The following TPCN1 variants were observed in gnomAD, a reference collection of about 807,000 sequenced individuals.
The protein encoded by TPCN1 is two pore segment channel 1.
TPCN1 carries 52 observed loss-of-function variants against 108.8 expected under a neutral mutation model. The ratio of observed to expected loss-of-function variants is 0.48; its 90% CI spans 0.38 to 0.60. The LOEUF is 0.60. Among genes scored for constraint, TPCN1 ranks in the 20% least tolerant of loss-of-function variants. The probability of loss-of-function intolerance (pLI) is 0.00; values close to 1 mark genes in which losing one functional copy is unlikely to be tolerated. For synonymous variants in TPCN1, 446 were observed against 433.7 expected, an observed-to-expected ratio of 1.03 and a Z score of -0.35; for missense variants, 806 against 1,072.8, an observed-to-expected ratio of 0.75 and a Z score of 3.47.
intron 2 of TPCN1, among the ~76,000 whole-genome samples, chr12:113,246,965 C>T (rs940311693): frequency 1.3e-5 from 2 of 152,158 alleles, no homozygotes; most frequent in African/African-American, 2.4e-5. Context: ...TCCAAAGATG[C>T]GAGTGCCAGT....
rs532168470 is a variant in TPCN1, at chr12:113,284,515, C to T, written c.1343-66C>T. 4 of 1,586,386 alleles carry T rather than the reference C, an allele frequency of 2.5e-6. No individual in the cohort carries two copies. The East Asian group carries it at 8.9e-5, about 35-fold the overall frequency. ...CCAGGAAGTTAACCAGGGACTTCAGCTGCGACCTGCAGATTTCTAAGCCCC... is the reference window on the plus strand; with the variant it reads ...CCAGGAAGTTAACCAGGGACTTCAGTTGCGACCTGCAGATTTCTAAGCCCC... On this transcript the variant is annotated intron_variant, in intron 15 of 27. Transcript: ENST00000335509. The surrounding 1 kb of genome is among the most constrained non-coding windows in gnomAD (Gnocchi z 4.1).
chr12:113,290,465 T>C (rs1389609950), intron 22 of TPCN1, among the ~76,000 whole-genome samples: 2 of 152,204 alleles, frequency 1.3e-5, no homozygotes, highest in African/African-American at 4.8e-5. Context: ...CCTGATATTT[T>C]CTCAGTACCG....
chr12:113,295,417 G>A (rs958418754), intron 27 of TPCN1, among the ~76,000 whole-genome samples: 2 of 144,434 alleles, frequency 1.4e-5, no homozygotes, highest in African/African-American at 5.2e-5. Context: ...TCTCCAGCCT[G>A]TGCCACACAG....
At chr12:113,287,682 G>A (rs1305447086) in intron 19 of TPCN1, among the ~76,000 whole-genome samples, 11 of 152,310 alleles carry the variant, frequency 7.2e-5, no homozygotes, top group African/African-American at 1.9e-4. Flanking sequence ...GGGCAGGTGC[G>A]GGGAGGGGTG....
At chr12:113,235,660 G>T (rs899542638) in intron 2 of TPCN1, among the ~76,000 whole-genome samples, 20 of 152,180 alleles carry the variant, frequency 1.3e-4, no homozygotes, top group African/African-American at 4.6e-4. Flanking sequence ...GAAGAAGTGC[G>T]TCAAGTATAG....
Position 113,296,019 on chromosome 12 carries a change from A to G in TPCN1, c.2394A>G (p.Ala798=). The change falls in exon 28 of 28, where the codon GCA becomes GCG. Residue 798 remains alanine, a synonymous_variant. Coordinates refer to ENST00000335509, the MANE Select transcript of TPCN1 (RefSeq NM_017901.6). The stretch of plus-strand genomic sequence containing the variant: ...AGCAGCGACAACTCAGCAGCAGTGC[A>G]GCCCCCGCCGCCCAGCAGCCCCCAG... The part of the protein sequence containing the change: ...QEQQRQLSSS[A]APAAQQPPGS... 1 of 1,613,110 alleles carries G rather than the reference A, an allele frequency of 6.2e-7. No homozygotes were observed. Among genetic ancestry groups the G allele is most frequent in the Non-Finnish European group, 8.5e-7 (1 of 1,179,832 alleles).
rs1188399240 is a variant in TPCN1, at chr12:113,231,364, C to T, written c.112+4400C>T. On this transcript the variant is annotated intron_variant, in intron 2 of 27. Coordinates refer to ENST00000335509, the MANE Select transcript of TPCN1 (RefSeq NM_017901.6). This position sits in a 1 kb window ranked among gnomAD's most constrained non-coding sequence, Gnocchi z 4.3. ...AAATGGTTATCTTCTTGCTGTGTCCCCACATGATTGTCCCTGAGTCTGTGT... is the reference window on the plus strand; with the variant it reads ...AAATGGTTATCTTCTTGCTGTGTCCTCACATGATTGTCCCTGAGTCTGTGT... 2.0e-5 allele frequency among the ~76,000 whole-genome samples: 3 copies of T among 152,218 alleles called. No homozygotes were observed. Among genetic ancestry groups the T allele is most frequent in the Non-Finnish European group, 2.9e-5 (2 of 68,034 alleles).
chr12:113,275,031 T>A (rs1228041121), intron 10 of TPCN1, among the ~76,000 whole-genome samples: 1 of 152,138 alleles, frequency 6.6e-6, no homozygotes, highest in Non-Finnish European at 1.5e-5. Flanking sequence ...GTCCCAGCCA[T>A]CACAGATCAC....
intron 2 of TPCN1, among the ~76,000 whole-genome samples, chr12:113,257,978 ATC>A (rs1244608139): frequency 6.6e-5 from 10 of 152,350 alleles, no homozygotes; most frequent in African/African-American, 2.4e-4. Flanking sequence ...ATGCAGATTC[ATC>A]TAATAGTAAC....
intron 2 of TPCN1, among the ~76,000 whole-genome samples, chr12:113,235,850 A>G (rs1217843577): frequency 1.3e-5 from 2 of 152,146 alleles, no homozygotes; most frequent in Non-Finnish European, 2.9e-5. Context: ...GATTGGCTTT[A>G]GAGATCGGAT....
chr12:113,244,770 T>C (rs1222085030), intron 2 of TPCN1: 33 of 985,170 alleles, frequency 3.3e-5, no homozygotes, highest in Non-Finnish European at 4.0e-5. Flanking sequence ...GTTTCTGAGA[T>C]GCTGGGAGCA....
At chr12:113,260,817 A>G (rs1276746553) in intron 3 of TPCN1, among the ~76,000 whole-genome samples, 1 of 151,980 alleles carries the variant, frequency 6.6e-6, no homozygotes, top group Non-Finnish European at 1.5e-5. Context: ...AATTCTTTAC[A>G]TACTGAATGC....
intron 1 of TPCN1, among the ~76,000 whole-genome samples, chr12:113,223,223 G>T (rs187662535): frequency 6.1e-4 from 93 of 152,306 alleles, no homozygotes; most frequent in African/African-American, 2.2e-3. Context: ...GTTTACTTTC[G>T]CTGCCTTGTT....
rs2136803739 is a variant in TPCN1 at position 113,297,576 on chromosome 12, A to G, written c.*1500A>G. The G allele has an allele frequency of 6.5e-6, 1 of 152,704 alleles. No homozygotes were observed. The highest frequency in any genetic ancestry group is 1.9e-4 in the East Asian group (1 of 5,138). 9.5% of individuals were successfully genotyped at this position (152,704 alleles called of 1,614,324 possible). ...CCTCCAAGGCCAAGCTGGGTCCCAT[A>G]GCCAGCACGGCATGGTTCTCCCCTT... On this transcript the variant is annotated 3_prime_UTR_variant, in exon 28 of 28. Coordinates refer to ENST00000335509, the MANE Select transcript of TPCN1 (RefSeq NM_017901.6). The surrounding 1 kb of genome is among the most constrained non-coding windows in gnomAD (Gnocchi z 4.4).
chr12:113,271,515 A>T (rs986150443), intron 7 of TPCN1, among the ~76,000 whole-genome samples: 3 of 152,196 alleles, frequency 2.0e-5, no homozygotes, highest in Non-Finnish European at 4.4e-5. Flanking sequence ...TACTTAAAAA[A>T]GTCTCTAAGT....
At chr12:113,271,847 T>C (rs1485570401) in intron 7 of TPCN1, among the ~76,000 whole-genome samples, 1 of 152,080 alleles carries the variant, frequency 6.6e-6, no homozygotes, top group South Asian at 2.1e-4. Context: ...GAGGGCTTAG[T>C]TTTTCAGGTG....
At chr12:113,233,342 C>G (rs1051556814) in intron 2 of TPCN1, among the ~76,000 whole-genome samples, 2 of 152,230 alleles carry the variant, frequency 1.3e-5, no homozygotes, top group African/African-American at 4.8e-5. Flanking sequence ...GCTTCATGAG[C>G]CAGAACCGTG....
At chr12:113,243,136 G>T (rs1434486318) in intron 2 of TPCN1, among the ~76,000 whole-genome samples, 3 of 152,184 alleles carry the variant, frequency 2.0e-5, no homozygotes, top group Admixed American at 6.5e-5. Flanking sequence ...TTGGGAGGCT[G>T]AGGTGGGTGG....
At chr12:113,223,235 C>A (rs1316674958) in intron 1 of TPCN1, among the ~76,000 whole-genome samples, 2 of 152,312 alleles carry the variant, frequency 1.3e-5, no homozygotes, top group Middle Eastern at 3.4e-3. Flanking sequence ...TGCCTTGTTT[C>A]AAAACGTTGT....
Sources: allele counts gnomAD v4.1 joint callset (sites outside exome capture counted in the v4.1 genomes callset), GRCh38; gene constraint gnomAD v4.1.1; non-coding constraint Gnocchi (gnomAD v3.1); transcripts MANE v1.5; gene names NCBI Gene and HGNC (gene_info 2026-07-23, HGNC 2026-07-21).